Variants in GPHN observed in about 807,000 individuals in gnomAD.
The protein encoded by GPHN is gephyrin.
A neutral mutation model predicts 95.5 loss-of-function variants in GPHN; 17 were observed. That is an observed-to-expected ratio of 0.18 (90% CI 0.12 to 0.27). The LOEUF is 0.27. Ranked by LOEUF, GPHN falls within the 10% of genes least tolerant of loss-of-function variation. The probability of loss-of-function intolerance (pLI) is 1.00; values close to 1 mark genes in which losing one functional copy is unlikely to be tolerated. For synonymous variants in GPHN, 320 were observed against 322.5 expected (o/e 0.99, Z 0.08); for missense variants, 660 against 978.1 (o/e 0.67, Z 4.34).
chr14:67,580,879 C>G, the GPHN span: 1 of 1,126,460 alleles, frequency 8.9e-7, no homozygotes, highest in Non-Finnish European at 1.4e-6. Context: ...CTGGCTGGAC[C>G]TTGATCCCTT....
chr14:67,278,991 T>C, the GPHN span: 2 of 556,570 alleles, frequency 3.6e-6, no homozygotes, highest in East Asian at 3.3e-5. Flanking sequence ...ATTCTTACAC[T>C]TTTTTCCCCC....
At chr14:66,687,787 C>A (rs946937516) in intron 2 of GPHN, among the ~76,000 whole-genome samples, 1 of 152,142 alleles carries the variant, frequency 6.6e-6, no homozygotes, top group Admixed American at 6.5e-5. Flanking sequence ...CTGTGCCTGG[C>A]CAATATTATT....
rs538653665 is a variant in GPHN at position 66,830,077 on chromosome 14, A to G, written c.294+5511A>G. ...GTCTATGGCTAAAACAGCAGAGTTC[A>G]GAAGTTGTAAACAAGACCGCATAGC... is the stretch of plus-strand genomic sequence containing the variant. On this transcript the variant is annotated intron_variant, in intron 4 of 22. Coordinates refer to ENST00000478722, the MANE Select transcript of GPHN (RefSeq NM_020806.5). 7.2e-5 allele frequency among the ~76,000 whole-genome samples: 11 copies of G among 152,344 alleles called. No individual in the cohort carries two copies. In the East Asian group the frequency reaches 2.1e-3, roughly 29 times the overall value.
At chr14:67,661,530 T>A in the GPHN span, among the ~76,000 whole-genome samples, 2 of 68,032 alleles carry the variant, frequency 2.9e-5, no homozygotes, top group Non-Finnish European at 5.1e-5. Context: ...AACAGTAACC[T>A]TTTTTTTTTT....
At chr14:67,439,533 GTTTCTTTCTTTCTTTCTTTCTTTC>G in the GPHN span, among the ~76,000 whole-genome samples, 20 of 96,062 alleles carry the variant, frequency 2.1e-4, no homozygotes, top group Admixed American at 5.4e-4. Flanking sequence ...AAATTCAATA[GTTTCTTTCTTTCTTTCTTTCTTTC>G]TTTCTTTCTT....
In GPHN at chr14:66,777,105, A is replaced by T. The variant is rs560789279; in HGVS notation, c.201+584A>T. ...TAATAAAAAAAAAAAAAGAGAGAAG[A>T]ATCAAATAGACGCAATAAAAAATGA... On this transcript the variant is annotated intron_variant, in intron 3 of 22. Coordinates refer to ENST00000478722, the MANE Select transcript of GPHN (RefSeq NM_020806.5). Among the ~76,000 whole-genome samples the T allele has an allele frequency of 2.0e-5, 3 of 152,212 alleles. No individual in the cohort carries two copies. In the South Asian group the frequency reaches 6.2e-4, roughly 32 times the overall value.
At chr14:66,819,421 G>A (rs1463249676) in intron 3 of GPHN, among the ~76,000 whole-genome samples, 1 of 151,774 alleles carries the variant, frequency 6.6e-6, no homozygotes, top group African/African-American at 2.4e-5. Flanking sequence ...TCTCTGTTCT[G>A]TCCCCATTGC....
chr14:67,523,236 A>G, the GPHN span, among the ~76,000 whole-genome samples: 1 of 151,780 alleles, frequency 6.6e-6, no homozygotes, highest in Middle Eastern at 3.2e-3. Flanking sequence ...GGCAGGGAGA[A>G]TTGCTTGAAT....
intron 8 of GPHN, among the ~76,000 whole-genome samples, chr14:66,939,930 A>G (rs1164258924): frequency 6.6e-6 from 1 of 152,172 alleles, no homozygotes; most frequent in East Asian, 1.9e-4. Context: ...CCAGGTTATT[A>G]GAAAACTTGT....
chr14:67,150,419 C>CG (rs2081189809), intron 18 of GPHN, among the ~76,000 whole-genome samples: 1 of 114,334 alleles, frequency 8.7e-6, no homozygotes, highest in South Asian at 2.8e-4. Context: ...CCAGCCTGGG[C>CG]GACAGAGCGA....
At chr14:66,963,320 G>A (rs764553643) in intron 8 of GPHN, among the ~76,000 whole-genome samples, 18 of 151,984 alleles carry the variant, frequency 1.2e-4, no homozygotes, top group Non-Finnish European at 5.9e-5. Flanking sequence ...GATATGTAGT[G>A]TATATATGCA....
the GPHN span, among the ~76,000 whole-genome samples, chr14:67,513,866 A>C: frequency 6.6e-6 from 1 of 152,310 alleles, no homozygotes; most frequent in Admixed American, 6.5e-5. Flanking sequence ...TCAGAACTGA[A>C]GGCACCTTGT....
chr14:66,598,666 G>A (rs2062087122), intron 1 of GPHN, among the ~76,000 whole-genome samples: 1 of 152,036 alleles, frequency 6.6e-6, no homozygotes. Flanking sequence ...CCAACATGGT[G>A]AAACCCCATC....
At position 66,776,518 on chromosome 14, in the gene GPHN, C is replaced by T; in HGVS notation, c.198C>T (p.Ile66=). 2 of 1,557,154 alleles carry T rather than the reference C, an allele frequency of 1.3e-6. No individual in the cohort carries two copies. The stretch of plus-strand genomic sequence containing the variant: ...TAGTACCAGATGAAATAGAAGAAAT[C>T]AAGGTATAGTATGGCATTTTTCACC... ...YKIVPDEIEE[I]KETLIDWCDE... is the part of the protein sequence containing the mutation. Residue 66 remains isoleucine, a synonymous_variant, in exon 3 of 23, where the codon ATC becomes ATT. Transcript: ENST00000478722.
chr14:67,700,210 G>T, the GPHN span, among the ~76,000 whole-genome samples: 2 of 151,942 alleles, frequency 1.3e-5, no homozygotes, highest in African/African-American at 2.4e-5. Context: ...TATTTTTGAG[G>T]AAAGTAAACA....
chr14:67,685,127 A>G, the GPHN span: 1 of 1,614,174 alleles, frequency 6.2e-7, no homozygotes, highest in Non-Finnish European at 8.5e-7. Context: ...CACCACATCC[A>G]TCTCATGAAA....
intron 1 of GPHN, among the ~76,000 whole-genome samples, chr14:66,564,857 C>A (rs938888775): frequency 6.6e-6 from 1 of 152,098 alleles, no homozygotes; most frequent in Non-Finnish European, 1.5e-5. Context: ...ATAATATTAT[C>A]ATTAAGCCTC....
chr14:66,567,688 G>A (rs555750380), intron 1 of GPHN, among the ~76,000 whole-genome samples: 1 of 152,226 alleles, frequency 6.6e-6, no homozygotes, highest in Non-Finnish European at 1.5e-5. Flanking sequence ...TGGGTTATAG[G>A]TTTTATTGGT....
chr14:67,058,932 A>G, intron 11 of GPHN, 146 bp downstream of exon 11: 2 of 775,632 alleles, frequency 2.6e-6, no homozygotes, highest in Non-Finnish European at 4.3e-6. Flanking sequence ...TCTTATTTCT[A>G]CTCAATAAGA....
Sources: gnomAD v4.1 joint callset for allele counts (sites outside exome capture counted in the v4.1 genomes callset) on GRCh38, gnomAD v4.1.1 for gene constraint, MANE v1.5 for transcripts, NCBI Gene and HGNC (gene_info 2026-07-23, HGNC 2026-07-21) for gene names.